The following FRS2 variants were observed in gnomAD, a reference collection of about 807,000 sequenced individuals.
The protein encoded by FRS2 is FGFR signalling adaptor.
FRS2 carries 8 observed loss-of-function variants against 43.9 expected under a neutral mutation model. The observed-to-expected ratio is 0.18, with a 90% CI of 0.11 to 0.33. The LOEUF (loss-of-function observed/expected upper bound fraction) is 0.33, where lower values mean the gene tolerates loss of function less well. Ranked by LOEUF, FRS2 falls within the 10% of genes least tolerant of loss-of-function variation. The pLI is 1.00. For synonymous variants in FRS2, 219 were observed against 220.3 expected, an observed-to-expected ratio of 0.99 and a Z score of 0.05; for missense variants, 534 against 627.6, an observed-to-expected ratio of 0.85 and a Z score of 1.59.
At chr12:69,527,729 C>G (rs969382219) in intron 1 of FRS2, among the ~76,000 whole-genome samples, 1 of 152,074 alleles carries the variant, frequency 6.6e-6, no homozygotes, top group Non-Finnish European at 1.5e-5. Context: ...ATAGAAGTTG[C>G]TCAATAAAAG....
rs1881128027 is a variant in FRS2 at position 69,575,465 on chromosome 12, G to A, written c.*510G>A. The A allele has an allele frequency of 6.5e-6, 1 of 153,592 alleles. No individual in the cohort carries two copies. The highest frequency in any genetic ancestry group is 2.0e-4 in the South Asian group (1 of 4,892). 9.5% of individuals were successfully genotyped at this position (153,592 alleles called of 1,614,324 possible). ...TGACTTGAGCCAAAACATATGTAAA[G>A]GAAACAGAAGTACCGCACCTCCTCT... On this transcript the variant is annotated 3_prime_UTR_variant, in exon 9 of 9. Transcript: ENST00000549921.
Position 69,577,978 on chromosome 12 carries a change from T to A in FRS2, c.*3023T>A, listed in dbSNP as rs1881302217. ...ATAAATAGAACAAGTCAAGCTAGTG[T>A]TTATCTCCTCCCCCTCCCCAAAACT... On this transcript the variant is annotated 3_prime_UTR_variant, in exon 9 of 9. Transcript: ENST00000549921. The A allele has an allele frequency of 6.6e-6, 1 of 152,604 alleles. No individual in the cohort carries two copies. Among genetic ancestry groups the A allele is most frequent in the South Asian group, 2.1e-4 (1 of 4,828 alleles). 9.5% of individuals were successfully genotyped at this position (152,604 alleles called of 1,614,324 possible). A position where few individuals can be genotyped will look rare whatever the true frequency, so the allele number is the denominator to read the frequency against.
intron 1 of FRS2, among the ~76,000 whole-genome samples, chr12:69,529,808 C>A (rs1876613509): frequency 6.6e-6 from 1 of 152,138 alleles, no homozygotes; most frequent in African/African-American, 2.4e-5. Flanking sequence ...GCCTGTAATT[C>A]CAGCACTTTG....
At chr12:69,538,387 A>C (rs1877547547) in intron 3 of FRS2, among the ~76,000 whole-genome samples, 1 of 151,666 alleles carries the variant, frequency 6.6e-6, no homozygotes, top group African/African-American at 2.4e-5. Flanking sequence ...GAAACATAAT[A>C]CAGAATGCTA....
At chr12:69,491,198 C>T (rs1012392721) in intron 1 of FRS2, among the ~76,000 whole-genome samples, 7 of 152,128 alleles carry the variant, frequency 4.6e-5, no homozygotes, top group African/African-American at 1.2e-4. Flanking sequence ...TGGCCTCAAG[C>T]GATCCTCCCA....
At chr12:69,541,021 C>T (rs1877853814) in intron 3 of FRS2, among the ~76,000 whole-genome samples, 1 of 152,050 alleles carries the variant, frequency 6.6e-6, no homozygotes, top group South Asian at 2.1e-4. Flanking sequence ...CCATTACTGC[C>T]AAGAGGATCC....
intron 3 of FRS2, among the ~76,000 whole-genome samples, chr12:69,551,353 AAAACAAAC>A (rs938965944): frequency 1.5e-5 from 2 of 135,978 alleles, no homozygotes; most frequent in African/African-American, 2.9e-5. Context: ...ACCCTGTCTC[AAAACAAAC>A]AAACAAACAA....
At chr12:69,505,108 C>G (rs986800745) in intron 1 of FRS2, among the ~76,000 whole-genome samples, 1 of 152,194 alleles carries the variant, frequency 6.6e-6, no homozygotes, top group Admixed American at 6.5e-5. Context: ...ATCCTCCCAC[C>G]TTGGCCTCCC....
intron 1 of FRS2, among the ~76,000 whole-genome samples, chr12:69,477,356 C>G (rs1870897133): frequency 6.8e-6 from 1 of 146,798 alleles, no homozygotes; most frequent in South Asian, 2.2e-4. Context: ...TCTCAGCTCA[C>G]TGCAAGCTCC....
Position 69,574,370 on chromosome 12 carries a change from C to T in FRS2, c.942C>T (p.Ile314=), listed in dbSNP as rs1222603858. 1.2e-6 allele frequency: 2 copies of T among 1,613,488 alleles called. No individual in the cohort carries two copies. The highest frequency in any genetic ancestry group is 1.7e-5 in the Admixed American group (1 of 60,018). The change falls in exon 9 of 9, where the codon ATC becomes ATT. Residue 314 remains isoleucine (I), a synonymous_variant. Transcript: ENST00000549921. ...ATGAAAATATAAATGGGCTATCTAT[C>T]CCTAGTGCCTCAGGGGTCAGGAGAG... ...LVYENINGLS[I]PSASGVRRGR...
chr12:69,500,221 C>G (rs975430110), intron 1 of FRS2, among the ~76,000 whole-genome samples: 1 of 151,408 alleles, frequency 6.6e-6, no homozygotes, highest in African/African-American at 2.4e-5. Context: ...GTAAAAAAAA[C>G]AAAAAACAAC....
intron 1 of FRS2, among the ~76,000 whole-genome samples, chr12:69,500,622 A>G (rs144896035): frequency 3.7e-4 from 56 of 152,338 alleles, no homozygotes; most frequent in Non-Finnish European, 6.9e-4. Context: ...TAATTCAACC[A>G]TAATAATTCA....
intron 1 of FRS2, among the ~76,000 whole-genome samples, chr12:69,498,217 A>G (rs1039998300): frequency 1.3e-5 from 2 of 152,198 alleles, no homozygotes; most frequent in African/African-American, 4.8e-5. Flanking sequence ...TGGAAAGGAA[A>G]TACTAAAATA....
intron 1 of FRS2, among the ~76,000 whole-genome samples, chr12:69,473,916 C>T (rs145008584): frequency 3.1e-4 from 47 of 152,238 alleles, no homozygotes; most frequent in African/African-American, 1.1e-3. Flanking sequence ...GATCTTGGCT[C>T]ACTGCAACCT....
intron 3 of FRS2, among the ~76,000 whole-genome samples, chr12:69,548,462 A>T (rs569900590): frequency 6.6e-6 from 1 of 152,316 alleles, no homozygotes; most frequent in Admixed American, 6.5e-5. Flanking sequence ...CTTCTCAAAC[A>T]TTTTTAGGTT....
chr12:69,490,431 G>GTTTT, intron 1 of FRS2, among the ~76,000 whole-genome samples: 1 of 133,356 alleles, frequency 7.5e-6, no homozygotes, highest in South Asian at 2.3e-4. Flanking sequence ...AAATGTGTGG[G>GTTTT]TTTTTTTTTT....
intron 1 of FRS2, among the ~76,000 whole-genome samples, chr12:69,527,787 T>G (rs955062463): frequency 6.6e-6 from 1 of 152,212 alleles, no homozygotes; most frequent in Non-Finnish European, 1.5e-5. Context: ...TTGCTAAAAT[T>G]CTGATTTCTA....
At chr12:69,572,460 G>A (rs893991480) in intron 8 of FRS2, among the ~76,000 whole-genome samples, 179 bp downstream of exon 8, 2 of 152,244 alleles carry the variant, frequency 1.3e-5, no homozygotes, top group South Asian at 2.1e-4. Context: ...AAATATATGC[G>A]GGTATTCAGG....
intron 1 of FRS2, among the ~76,000 whole-genome samples, chr12:69,527,101 A>G (rs1180395040): frequency 6.6e-6 from 1 of 152,116 alleles, no homozygotes; most frequent in Non-Finnish European, 1.5e-5. Context: ...TTCTAAGTGT[A>G]TGGAATAACA....
Sources: allele counts gnomAD v4.1 joint callset (sites outside exome capture counted in the v4.1 genomes callset), GRCh38; gene constraint gnomAD v4.1.1; transcripts MANE v1.5; gene names NCBI Gene and HGNC (gene_info 2026-07-23, HGNC 2026-07-21).